The following RANBP2 variants were observed in gnomAD, a reference collection of about 807,000 sequenced individuals.
RANBP2 encodes the protein E3 SUMO-protein ligase RanBP2.
Under a neutral mutation model 303.6 loss-of-function variants are expected in RANBP2, and 57 were observed. The observed-to-expected ratio is 0.19, with a 90% confidence interval of 0.15 to 0.23. The LOEUF (loss-of-function observed/expected upper bound fraction) is 0.23, where lower values mean the gene tolerates loss of function less well. RANBP2 is among the 10% of genes least tolerant of loss of function. The pLI is 1.00. For missense variants in RANBP2, 3,138 were observed against 3,780.8 expected (o/e 0.83, Z 4.46); for synonymous variants, 1,167 against 1,301.5 (o/e 0.90, Z 2.23).
chr2:108,877,312 A>T, the RANBP2 span, among the ~76,000 whole-genome samples: 1 of 151,140 alleles, frequency 6.6e-6, no homozygotes, highest in African/African-American at 2.4e-5. Context: ...TACAAAAAAA[A>T]ACAGAATTAG....
At chr2:108,974,585 C>A in the RANBP2 span, among the ~76,000 whole-genome samples, 1 of 151,834 alleles carries the variant, frequency 6.6e-6, no homozygotes, top group African/African-American at 2.4e-5. Flanking sequence ...CAAAAATTAG[C>A]TGGGCATGGT....
intron 6 of RANBP2, among the ~76,000 whole-genome samples, chr2:108,736,655 C>T (rs1695612421): frequency 6.6e-6 from 1 of 152,192 alleles, no homozygotes; most frequent in Non-Finnish European, 1.5e-5. Context: ...CACTTAGCAT[C>T]ACTGGTATTT....
the RANBP2 span, among the ~76,000 whole-genome samples, chr2:109,595,481 G>A: frequency 1.3e-4 from 20 of 152,212 alleles, no homozygotes; most frequent in East Asian, 2.7e-3. Context: ...GCAGTATCAC[G>A]TCCCTCTAGT....
chr2:108,857,269 G>A, the RANBP2 span, among the ~76,000 whole-genome samples: 2 of 151,852 alleles, frequency 1.3e-5, no homozygotes, highest in South Asian at 4.2e-4. Flanking sequence ...GGTAGAGACG[G>A]GGTTTCACCA....
chr2:109,340,474 G>A, the RANBP2 span, among the ~76,000 whole-genome samples: 14 of 152,190 alleles, frequency 9.2e-5, no homozygotes, highest in Non-Finnish European at 1.9e-4. Context: ...GTTCTTTGCT[G>A]AATTCACTTA....
chr2:109,649,913 T>C, the RANBP2 span, among the ~76,000 whole-genome samples: 5 of 152,196 alleles, frequency 3.3e-5, no homozygotes, highest in Non-Finnish European at 5.9e-5. Flanking sequence ...GGAAAGCCAT[T>C]GCAACAATAA....
the RANBP2 span, among the ~76,000 whole-genome samples, chr2:108,824,897 A>G: frequency 6.6e-6 from 1 of 152,192 alleles, no homozygotes; most frequent in African/African-American, 2.4e-5. Context: ...GCATTGTTAT[A>G]TGTGGTCAGT....
At chr2:109,278,299 C>A in the RANBP2 span, among the ~76,000 whole-genome samples, 1 of 152,228 alleles carries the variant, frequency 6.6e-6, no homozygotes, top group Non-Finnish European at 1.5e-5. Context: ...TTCAGCCACC[C>A]TGGTGCACAC....
the RANBP2 span, chr2:109,419,586 T>G: frequency 6.3e-7 from 1 of 1,597,920 alleles, no homozygotes; most frequent in Admixed American, 1.7e-5. Context: ...TCCCACGGGC[T>G]GCCTCGGTGT....
At chr2:109,591,029 G>A in the RANBP2 span, among the ~76,000 whole-genome samples, 3 of 152,176 alleles carry the variant, frequency 2.0e-5, no homozygotes, top group Non-Finnish European at 4.4e-5. Context: ...AACAGATGCC[G>A]TTTTAAGCCG....
At chr2:109,662,673 A>G in the RANBP2 span, among the ~76,000 whole-genome samples, 70,784 of 151,830 alleles carry the variant, frequency 0.47, 18,536 homozygotes, top group Middle Eastern at 0.65. Context: ...AGCTGCCCAA[A>G]GTGCTGGGAT....
chr2:109,604,827 A>C, the RANBP2 span: 2 of 152,238 alleles, frequency 1.3e-5, no homozygotes, highest in Non-Finnish European at 2.9e-5. Context: ...AAGCCCAAGG[A>C]GGCTTACATG....
chr2:108,858,737 G>T, the RANBP2 span, among the ~76,000 whole-genome samples: 1 of 151,150 alleles, frequency 6.6e-6, no homozygotes, highest in Non-Finnish European at 1.5e-5. Flanking sequence ...GGGTACATGT[G>T]CAGGTGTGTT....
At chr2:109,190,926 A>G in the RANBP2 span, among the ~76,000 whole-genome samples, 4 of 151,518 alleles carry the variant, frequency 2.6e-5, no homozygotes, top group African/African-American at 7.3e-5. Flanking sequence ...TTTGCCTACT[A>G]GATGCCAATA....
chr2:109,489,950 C>A, the RANBP2 span, among the ~76,000 whole-genome samples: 12 of 152,312 alleles, frequency 7.9e-5, no homozygotes, highest in African/African-American at 2.6e-4. Flanking sequence ...GTTGGCCAGG[C>A]TGGTCTCGAA....
At chr2:109,008,892 C>A in the RANBP2 span, among the ~76,000 whole-genome samples, 29,352 of 145,750 alleles carry the variant, frequency 0.2, 3,003 homozygotes, top group Middle Eastern at 0.36. Flanking sequence ...GAGCAAGATT[C>A]CATCTCAAAA....
At chr2:109,301,329 G>C in the RANBP2 span, among the ~76,000 whole-genome samples, 2 of 99,552 alleles carry the variant, frequency 2.0e-5, no homozygotes, top group Non-Finnish European at 3.6e-5. Flanking sequence ...CTGTGTATCT[G>C]TGTGACGTGT....
At chr2:109,537,318 T>G in the RANBP2 span, among the ~76,000 whole-genome samples, 1 of 152,226 alleles carries the variant, frequency 6.6e-6, no homozygotes, top group African/African-American at 2.4e-5. Flanking sequence ...GACGATGATT[T>G]TCCCTTAATG....
At chr2:109,535,408 A>G in the RANBP2 span, among the ~76,000 whole-genome samples, 1 of 152,244 alleles carries the variant, frequency 6.6e-6, no homozygotes, top group African/African-American at 2.4e-5. Context: ...CATGGAATGC[A>G]CATTCCTCAG....
Sources: gnomAD v4.1 joint callset for allele counts (sites outside exome capture counted in the v4.1 genomes callset) on GRCh38, gnomAD v4.1.1 for gene constraint, MANE v1.5 for transcripts, NCBI Gene and HGNC (gene_info 2026-07-23, HGNC 2026-07-21) for gene names.